Variants in CAMKMT observed in about 807,000 individuals in gnomAD.
CAMKMT encodes CaM KMT.
In CAMKMT, 53 loss-of-function variants were observed where a neutral mutation model predicts 48.0. That is an observed-to-expected ratio of 1.10 (90% CI 0.89 to 1.39). The LOEUF (loss-of-function observed/expected upper bound fraction) is 1.39. Ranked by LOEUF, CAMKMT falls within the 40% of genes most tolerant of loss-of-function variation. CAMKMT has a pLI of 0.00. For missense variants in CAMKMT, 428 were observed against 402.7 expected, an observed-to-expected ratio of 1.06 and a Z score of -0.54; for synonymous variants, 165 against 152.3, an observed-to-expected ratio of 1.08 and a Z score of -0.61.
chr2:44,704,412 A>G, intron 4 of CAMKMT, 69 bp downstream of exon 4: 7 of 1,016,874 alleles, frequency 6.9e-6, no homozygotes, highest in Non-Finnish European at 8.6e-6. Flanking sequence ...AAAAATTGCC[A>G]TGATTATATT....
At chr2:44,471,726 G>T (rs1668428849) in intron 3 of CAMKMT, among the ~76,000 whole-genome samples, 1 of 152,138 alleles carries the variant, frequency 6.6e-6, no homozygotes, top group African/African-American at 2.4e-5. Context: ...TTGATGTAAA[G>T]TATGGAGTCT....
chr2:44,523,148 C>G (rs1671208471), intron 3 of CAMKMT, among the ~76,000 whole-genome samples: 1 of 152,020 alleles, frequency 6.6e-6, no homozygotes, highest in African/African-American at 2.4e-5. Flanking sequence ...AAAAAAAAAG[C>G]CTACCAATAT....
At chr2:44,528,349 A>C (rs1020884778) in intron 3 of CAMKMT, among the ~76,000 whole-genome samples, 1 of 152,154 alleles carries the variant, frequency 6.6e-6, no homozygotes, top group East Asian at 1.9e-4. Context: ...AAAATATACA[A>C]ATAGTAGAGA....
chr2:44,593,789 A>ATTT (rs1175786460), intron 3 of CAMKMT, among the ~76,000 whole-genome samples: 10 of 104,546 alleles, frequency 9.6e-5, no homozygotes, highest in African/African-American at 2.7e-4. Context: ...TTGAGGCGGA[A>ATTT]TTTTGATCTT....
intron 3 of CAMKMT, among the ~76,000 whole-genome samples, chr2:44,459,654 C>G (rs749071589): frequency 1.8e-4 from 27 of 152,158 alleles, no homozygotes; most frequent in Non-Finnish European, 2.6e-4. Context: ...TAGTAAGTGA[C>G]TCCCCCATAT....
Position 44,362,087 on chromosome 2 carries a change from C to T in CAMKMT, c.80C>T (p.Thr27Ile). ...GGGAGTCCGGCAGTTGGCTGCACCACTCGGGGGCCCGTAGTCTCGGCGCCC... is the reference window on the plus strand; with the variant it reads ...GGGAGTCCGGCAGTTGGCTGCACCATTCGGGGGCCCGTAGTCTCGGCGCCC... The part of the protein sequence containing the change: ...AGGSPAVGCT[T>I]RGPVVSAPLG... Residue 27 changes from threonine to isoleucine, a missense_variant, in exon 1 of 11, where the codon ACT becomes ATT. Transcript: ENST00000378494. The T allele has an allele frequency of 6.8e-7, 1 of 1,460,792 alleles. No homozygotes were observed. 90.5% of individuals were successfully genotyped at this position (1,460,792 alleles called of 1,614,324 possible).
chr2:44,729,714 C>T (rs899892747), intron 7 of CAMKMT, among the ~76,000 whole-genome samples: 1 of 151,916 alleles, frequency 6.6e-6, no homozygotes, highest in African/African-American at 2.4e-5. Flanking sequence ...TCAGGCAAGC[C>T]GCTACAGCCA....
chr2:44,595,540 GA>G (rs2103836056), intron 3 of CAMKMT, among the ~76,000 whole-genome samples: 1 of 152,310 alleles, frequency 6.6e-6, no homozygotes, highest in Non-Finnish European at 1.5e-5. Context: ...TGGATAGGAA[GA>G]ATCAATATTG....
intron 3 of CAMKMT, among the ~76,000 whole-genome samples, chr2:44,461,018 C>T (rs899800287): frequency 6.6e-6 from 1 of 152,190 alleles, no homozygotes; most frequent in Non-Finnish European, 1.5e-5. Flanking sequence ...GCCACCATGC[C>T]TGCCCTGAGT....
intron 2 of CAMKMT, among the ~76,000 whole-genome samples, chr2:44,382,398 CTT>C (rs1680338335): frequency 6.6e-6 from 1 of 151,472 alleles, no homozygotes; most frequent in South Asian, 2.1e-4. Context: ...TGATTGGTGA[CTT>C]TGTTTTTTCA....
chr2:44,479,205 A>G (rs1668845699), intron 3 of CAMKMT, among the ~76,000 whole-genome samples: 1 of 152,204 alleles, frequency 6.6e-6, no homozygotes. Context: ...GAAAGATGGG[A>G]CTAATTATGG....
chr2:44,657,769 GACAATGATGGATTCTCAA>G lies in CAMKMT; in HGVS notation c.377-46510_377-46493del, dbSNP rs1410634472. On this transcript the variant is annotated intron_variant, in intron 3 of 10. Coordinates refer to ENST00000378494, the MANE Select transcript of CAMKMT (RefSeq NM_024766.5). This position sits in a 1 kb window ranked among gnomAD's most constrained non-coding sequence, Gnocchi z 4.3. ...AGCTTATTTTGGTAACCGAATAACT[GACAATGATGGATTCTCAA>G]ACATTTCTGCTAACCAAAGAAGGAA... Among the ~76,000 whole-genome samples, 3 of 152,114 alleles carry G rather than the reference GACAATGATGGATTCTCAA, an allele frequency of 2.0e-5. No homozygotes were observed. Among genetic ancestry groups the G allele is most frequent in the Admixed American group, 6.5e-5 (1 of 15,272 alleles).
intron 2 of CAMKMT, among the ~76,000 whole-genome samples, chr2:44,379,013 C>G (rs1386079938): frequency 6.6e-6 from 1 of 152,154 alleles, no homozygotes; most frequent in African/African-American, 2.4e-5. Flanking sequence ...CACCACTATT[C>G]CAGAACTTTT....
At chr2:44,507,484 G>A (rs1486430146) in intron 3 of CAMKMT, among the ~76,000 whole-genome samples, 3 of 152,044 alleles carry the variant, frequency 2.0e-5, no homozygotes, top group Admixed American at 6.5e-5. Flanking sequence ...TCTAATTGGT[G>A]TACTGTACCA....
At chr2:44,534,742 G>A (rs776821449) in intron 3 of CAMKMT, among the ~76,000 whole-genome samples, 4 of 152,050 alleles carry the variant, frequency 2.6e-5, no homozygotes, top group African/African-American at 9.7e-5. Flanking sequence ...GCTAAGAGAA[G>A]TTTATAGCAT....
chr2:44,634,489 GA>G (rs1295578727), intron 3 of CAMKMT, among the ~76,000 whole-genome samples: 1 of 152,024 alleles, frequency 6.6e-6, no homozygotes, highest in African/African-American at 2.4e-5. Context: ...ACTAGAAGCA[GA>G]AGCATTTTAA....
At chr2:44,438,779 C>G (rs562108431) in intron 3 of CAMKMT, among the ~76,000 whole-genome samples, 5 of 152,244 alleles carry the variant, frequency 3.3e-5, no homozygotes, top group South Asian at 2.1e-4. Context: ...CTCGCTGCAG[C>G]CTTTGCCTCC....
In CAMKMT at chr2:44,367,821, A is replaced by C. The variant is rs1204812663; in HGVS notation, c.139-4895A>C. Among the ~76,000 whole-genome samples, 3 of 152,238 alleles carry C rather than the reference A, an allele frequency of 2.0e-5. No individual in the cohort carries two copies. The East Asian group carries it at 5.8e-4, about 29-fold the overall frequency. On this transcript the variant is annotated intron_variant, in intron 1 of 10. Transcript: ENST00000378494. ...ATCTATCAAAGTACCATTGTGGGGAAGTGTAGTTGCCTGGTGTTGATGATG... is the reference window on the plus strand; with the variant it reads ...ATCTATCAAAGTACCATTGTGGGGACGTGTAGTTGCCTGGTGTTGATGATG...
At chr2:44,447,714 T>G (rs1667079496) in intron 3 of CAMKMT, among the ~76,000 whole-genome samples, 1 of 152,222 alleles carries the variant, frequency 6.6e-6, no homozygotes, top group African/African-American at 2.4e-5. Flanking sequence ...CCAGAGCAAT[T>G]TACATGGTGA....
Sources: gnomAD v4.1 joint callset for allele counts (sites outside exome capture counted in the v4.1 genomes callset) on GRCh38, gnomAD v4.1.1 for gene constraint, Gnocchi (gnomAD v3.1) non-coding constraint, MANE v1.5 for transcripts, NCBI Gene and HGNC (gene_info 2026-07-23, HGNC 2026-07-21) for gene names.